RP1: variants seen among roughly 807,000 people sequenced by gnomAD.
RP1 encodes oxygen-regulated protein 1.
In RP1, 16 loss-of-function variants were observed where a neutral mutation model predicts 14.8. The observed-to-expected ratio is 1.08, with a 90% CI of 0.73 to 1.65. The LOEUF is 1.65. Ranked by LOEUF, RP1 falls within the 40% of genes most tolerant of loss-of-function variation. The pLI is 0.00. For missense variants in RP1, 2,631 were observed against 2,535.0 expected, an observed-to-expected ratio of 1.04 and a Z score of -0.81; for synonymous variants, 876 against 883.6, an observed-to-expected ratio of 0.99 and a Z score of 0.15.
chr8:54,823,590 A>G (rs1001775606), intron 24 of RP1, among the ~76,000 whole-genome samples: 2 of 152,178 alleles, frequency 1.3e-5, no homozygotes, highest in South Asian at 2.1e-4. Flanking sequence ...TTGGCCTCCA[A>G]AAATACTGGG....
intron 22 of RP1, among the ~76,000 whole-genome samples, chr8:54,767,400 C>A (rs1374981812): frequency 6.6e-6 from 1 of 150,424 alleles, no homozygotes; most frequent in African/African-American, 2.4e-5. Context: ...TGCTCTGTCA[C>A]CCAGGCTGGA....
At chr8:54,648,724 A>G (rs1315463129) in intron 3 of RP1, among the ~76,000 whole-genome samples, 1 of 152,182 alleles carries the variant, frequency 6.6e-6, no homozygotes, top group Non-Finnish European at 1.5e-5. Flanking sequence ...ATGACCAACA[A>G]TAATATAGTA....
intron 24 of RP1, among the ~76,000 whole-genome samples, chr8:54,804,537 CA>C (rs1376220767): frequency 6.8e-6 from 1 of 147,686 alleles, no homozygotes; most frequent in African/African-American, 2.6e-5. Flanking sequence ...TCAGTGATTT[CA>C]AAAAGGCTAA....
chr8:54,837,585 G>A, exon 25 of RP1: 3 of 1,231,988 alleles, frequency 2.4e-6, no homozygotes, highest in Non-Finnish European at 3.0e-6. Flanking sequence ...TTTACCTGTT[G>A]ATTCCTGGAT....
At chr8:54,754,507 T>C (rs969725893) in intron 19 of RP1, among the ~76,000 whole-genome samples, 1 of 152,192 alleles carries the variant, frequency 6.6e-6, no homozygotes, top group Non-Finnish European at 1.5e-5. Flanking sequence ...CAGCATAATA[T>C]GTGGCAAATA....
Position 54,810,029 on chromosome 8 carries a change from T to C in RP1, c.3615+26319T>C, listed in dbSNP as rs146181628. 2.3e-4 allele frequency among the ~76,000 whole-genome samples: 35 copies of C among 152,342 alleles called. No individual in the cohort carries two copies. In the East Asian group the frequency reaches 6.8e-3, roughly 29 times the overall value. On this transcript the variant is annotated intron_variant, in intron 24 of 28. Coordinates refer to the RP1 transcript ENST00000637698. ...CTTTCACCACTAGAAACAGTATGCC[T>C]ATGTGTCTAGAGCACATATATGAGA...
intron 15 of RP1, among the ~76,000 whole-genome samples, chr8:54,707,665 A>G (rs140013123): frequency 1.3e-3 from 199 of 152,292 alleles, no homozygotes; most frequent in African/African-American, 4.6e-3. Flanking sequence ...AGCTATAAGG[A>G]AGAACTTGCA....
rs773172841 is a variant in RP1, at chr8:54,621,334, G to T, written c.368G>T (p.Arg123Leu). The T allele has an allele frequency of 2.5e-6, 4 of 1,611,726 alleles. 1 individual carries two copies. In the South Asian group the frequency reaches 3.3e-5, roughly 13 times the overall value. ...QPVDLDKARRRPRPWLSSRAI... is the reference protein window; with the variant it reads ...QPVDLDKARRLPRPWLSSRAI... ...GTAGACCTGGACAAAGCCCGTCGGCGCCCGCGGCCCTGGCTCAGCAGCCGG... is the reference window on the plus strand; with the variant it reads ...GTAGACCTGGACAAAGCCCGTCGGCTCCCGCGGCCCTGGCTCAGCAGCCGG... Residue 123 changes from arginine to leucine, a missense_variant, in exon 2 of 4, where the codon CGC (arginine) becomes CTC (leucine). By Grantham distance (102) the Arg-to-Leu change is moderately radical. Transcript: ENST00000220676.
At position 54,630,031 on chromosome 8, in the gene RP1, A is replaced by G. The variant is rs1255944226; in HGVS notation, c.6149A>G (p.Asn2050Ser). 6.2e-7 allele frequency: 1 copy of G among 1,614,074 alleles called. No individual in the cohort carries two copies. Among genetic ancestry groups the G allele is most frequent in the East Asian group, 2.2e-5 (1 of 44,842 alleles). Residue 2050 changes from asparagine (N) to serine (S), a missense_variant, in exon 4 of 4, where the codon AAT becomes AGT. Coordinates refer to ENST00000220676, the MANE Select transcript of RP1 (RefSeq NM_006269.2). ...SLLVVGNVDS[N>S]TQDLSGQTNE... ...TTAGTTGTGGGTAATGTGGATTCAA[A>G]TACACAAGACCTCAGCGGTCAGACA...
intron 5 of RP1, among the ~76,000 whole-genome samples, chr8:54,654,931 G>A (rs1806724850): frequency 6.6e-6 from 1 of 152,292 alleles, no homozygotes; most frequent in East Asian, 1.9e-4. Context: ...ACAGGTGTGA[G>A]CCACTGTGCC....
At chr8:54,597,780 T>C (rs1045293005) in intron 1 of RP1, among the ~76,000 whole-genome samples, 1 of 152,146 alleles carries the variant, frequency 6.6e-6, no homozygotes, top group African/African-American at 2.4e-5. Flanking sequence ...ATGTCCAGAA[T>C]AGTCAAGTCT....
intron 4 of RP1, chr8:54,649,185 G>C: frequency 7.1e-7 from 1 of 1,406,352 alleles, no homozygotes; most frequent in South Asian, 1.6e-5. Flanking sequence ...GTTAATATAA[G>C]TGATACACCT....
At chr8:54,848,935 G>C (rs1811993941) in intron 25 of RP1, among the ~76,000 whole-genome samples, 1 of 152,124 alleles carries the variant, frequency 6.6e-6, no homozygotes, top group Non-Finnish European at 1.5e-5. Flanking sequence ...TTTTAGTAGA[G>C]ATGGGGTTTC....
intron 23 of RP1, among the ~76,000 whole-genome samples, chr8:54,776,393 A>T (rs1392504637): frequency 6.6e-6 from 1 of 152,208 alleles, no homozygotes; most frequent in Non-Finnish European, 1.5e-5. Flanking sequence ...TAGAGACAAG[A>T]TCTCACTGTA....
intron 24 of RP1, among the ~76,000 whole-genome samples, chr8:54,827,324 T>G (rs567111960): frequency 7.1e-6 from 1 of 141,134 alleles, no homozygotes; most frequent in Non-Finnish European, 1.6e-5. Flanking sequence ...ATTTTCTTTA[T>G]AGTGTATTTT....
chr8:54,669,366 G>A (rs1190740676), intron 7 of RP1, among the ~76,000 whole-genome samples: 3 of 152,138 alleles, frequency 2.0e-5, no homozygotes, highest in Non-Finnish European at 4.4e-5. Flanking sequence ...TCATTAAAAA[G>A]TTAGGAAACA....
At chr8:54,759,413 T>C (rs1355986376) in intron 22 of RP1, among the ~76,000 whole-genome samples, 1 of 152,180 alleles carries the variant, frequency 6.6e-6, no homozygotes, top group African/African-American at 2.4e-5. Context: ...ATTGTAGTGT[T>C]ACAACAGTTT....
Position 54,754,955 on chromosome 8 carries a change from T to C in RP1, c.2941+20T>C, listed in dbSNP as rs1251835297. On this transcript the variant is annotated intron_variant, in intron 20 of 22. Coordinates refer to the RP1 transcript ENST00000636932. ...TTCCATGTGTGTTTTTAATCTTCAG[T>C]AGCATCTATTCCATAGACAAATTGT... is the stretch of plus-strand genomic sequence containing the variant. 4.6e-6 allele frequency: 7 copies of C among 1,508,638 alleles called. No individual in the cohort carries two copies. In the Admixed American group the frequency reaches 1.3e-4, roughly 27 times the overall value. 93.5% of individuals were successfully genotyped at this position (1,508,638 alleles called of 1,614,324 possible). A position where few individuals can be genotyped will look rare whatever the true frequency, so the allele number is the denominator to read the frequency against.
At chr8:54,768,156 A>G (rs1809811255) in intron 22 of RP1, among the ~76,000 whole-genome samples, 1 of 151,910 alleles carries the variant, frequency 6.6e-6, no homozygotes, top group Non-Finnish European at 1.5e-5. Context: ...ATCTCATTGG[A>G]CTCTGTACCT....
Sources: allele counts gnomAD v4.1 joint callset (sites outside exome capture counted in the v4.1 genomes callset), GRCh38; gene constraint gnomAD v4.1.1; transcripts MANE v1.5; gene names NCBI Gene and HGNC (gene_info 2026-07-23, HGNC 2026-07-21).